TCF7L2: variants seen among roughly 807,000 people sequenced by gnomAD.
TCF7L2 encodes transcription factor 7-like 2.
Under a neutral mutation model 77.9 loss-of-function variants are expected in TCF7L2, and 23 were observed. That is an observed-to-expected ratio of 0.30 (90% CI 0.21 to 0.42). The LOEUF is 0.42. TCF7L2 is among the 10% of genes least tolerant of loss of function. The pLI is 1.00. For synonymous variants in TCF7L2, 413 were observed against 340.2 expected, an observed-to-expected ratio of 1.21 and a Z score of -2.36; for missense variants, 654 against 793.1, an observed-to-expected ratio of 0.82 and a Z score of 2.11.
intron 4 of TCF7L2, among the ~76,000 whole-genome samples, chr10:112,965,326 G>T (rs1490447774): frequency 6.6e-6 from 1 of 152,176 alleles, no homozygotes; most frequent in African/African-American, 2.4e-5. Flanking sequence ...ACTCGGAGCT[G>T]AACTGATGCC....
chr10:113,161,449 C>A, intron 13 of TCF7L2: 1 of 988,852 alleles, frequency 1.0e-6, no homozygotes, highest in Non-Finnish European at 1.5e-6. Context: ...CTCCATCCAG[C>A]CTGCATTCTC....
intron 5 of TCF7L2, among the ~76,000 whole-genome samples, chr10:113,128,521 G>C (rs1349700448): frequency 6.6e-6 from 1 of 152,128 alleles, no homozygotes; most frequent in Non-Finnish European, 1.5e-5. Context: ...CCTGCCGCCA[G>C]AAGAAACCAA....
At chr10:113,063,269 T>C (rs2056764947) in intron 5 of TCF7L2, among the ~76,000 whole-genome samples, 1 of 152,200 alleles carries the variant, frequency 6.6e-6, no homozygotes, top group Non-Finnish European at 1.5e-5. Flanking sequence ...TAGGGAGACA[T>C]ACTCTCTGAT....
chr10:113,003,712 G>A (rs1377600827), intron 4 of TCF7L2, among the ~76,000 whole-genome samples: 4 of 152,206 alleles, frequency 2.6e-5, no homozygotes, highest in African/African-American at 9.6e-5. Context: ...AAATGAAACA[G>A]GTGAGGAACT....
chr10:112,989,726 AAC>A (rs2042190789), intron 4 of TCF7L2, among the ~76,000 whole-genome samples: 1 of 152,186 alleles, frequency 6.6e-6, no homozygotes, highest in South Asian at 2.1e-4. Context: ...ACTGTTTTAA[AAC>A]ACAGCAGCGT....
chr10:113,062,893 G>C (rs1056453154), intron 5 of TCF7L2, among the ~76,000 whole-genome samples: 2 of 152,040 alleles, frequency 1.3e-5, no homozygotes, highest in South Asian at 4.2e-4. Flanking sequence ...TGATGGTTTT[G>C]TCCTAAACAT....
chr10:113,126,971 T>A, intron 5 of TCF7L2: 2 of 970,558 alleles, frequency 2.1e-6, no homozygotes, highest in Non-Finnish European at 2.5e-6. Context: ...CGTCCACGGC[T>A]GTCCAGTCCG....
chr10:113,012,651 G>T (rs1220850472), intron 4 of TCF7L2, among the ~76,000 whole-genome samples: 1 of 152,132 alleles, frequency 6.6e-6, no homozygotes, highest in Admixed American at 6.5e-5. Context: ...CTGCAGGAAG[G>T]CCTTTAACTT....
At chr10:113,090,860 G>A (rs1015736641) in intron 5 of TCF7L2, among the ~76,000 whole-genome samples, 4 of 151,964 alleles carry the variant, frequency 2.6e-5, no homozygotes, top group Non-Finnish European at 2.9e-5. Flanking sequence ...CGCCCGCCTC[G>A]GCCTCCCAAA....
intron 5 of TCF7L2, among the ~76,000 whole-genome samples, chr10:113,051,120 G>A (rs533341293): frequency 6.6e-6 from 1 of 151,876 alleles, no homozygotes; most frequent in African/African-American, 2.4e-5. Context: ...GGGCAGATAT[G>A]TGATATTTAT....
chr10:113,008,943 G>A (rs966186362), intron 4 of TCF7L2, among the ~76,000 whole-genome samples: 1 of 151,980 alleles, frequency 6.6e-6, no homozygotes, highest in Non-Finnish European at 1.5e-5. Context: ...TTTTTGTTTT[G>A]TTTTGTTTTT....
chr10:113,079,579 C>T (rs2059107148), intron 5 of TCF7L2, among the ~76,000 whole-genome samples: 1 of 152,188 alleles, frequency 6.6e-6, no homozygotes, highest in Non-Finnish European at 1.5e-5. Flanking sequence ...TTTAAGAGAT[C>T]CCTAAAAACT....
chr10:113,141,791 C>T (rs1354109297), intron 6 of TCF7L2, among the ~76,000 whole-genome samples: 2 of 152,164 alleles, frequency 1.3e-5, no homozygotes, highest in African/African-American at 4.8e-5. Flanking sequence ...TTGACAATGA[C>T]TTGTTGGTAT....
At chr10:113,106,340 G>A (rs1169175969) in intron 5 of TCF7L2, among the ~76,000 whole-genome samples, 1 of 152,232 alleles carries the variant, frequency 6.6e-6, no homozygotes, top group Non-Finnish European at 1.5e-5. Flanking sequence ...GCAATCGTGT[G>A]TAGCCAGACA....
At chr10:112,961,387 A>T (rs1267019050) in intron 3 of TCF7L2, among the ~76,000 whole-genome samples, 1 of 152,008 alleles carries the variant, frequency 6.6e-6, no homozygotes. Flanking sequence ...GTCTCACCTC[A>T]TATTCCAAAG....
chr10:113,142,455 G>A (rs1592238070), intron 6 of TCF7L2, among the ~76,000 whole-genome samples: 1 of 152,222 alleles, frequency 6.6e-6, no homozygotes, highest in African/African-American at 2.4e-5. Flanking sequence ...AGGTTAGTGT[G>A]TGTCTTTCAG....
chr10:112,954,816 T>G (rs567162997), intron 3 of TCF7L2, among the ~76,000 whole-genome samples: 37 of 152,364 alleles, frequency 2.4e-4, no homozygotes, highest in African/African-American at 7.7e-4. Flanking sequence ...GCATCTTCTC[T>G]TATCCAAAGT....
chr10:113,159,880 G>A (rs201279117), intron 12 of TCF7L2, 40 bp from the exon 14 acceptor site: 46 of 1,021,380 alleles, frequency 4.5e-5, no homozygotes, highest in Non-Finnish European at 5.0e-5. Flanking sequence ...TTTCTCCCAC[G>A]TTCTCCTCCT....
chr10:113,023,789 C>T (rs2048632594), intron 4 of TCF7L2, among the ~76,000 whole-genome samples: 1 of 152,096 alleles, frequency 6.6e-6, no homozygotes, highest in African/African-American at 2.4e-5. Context: ...CTGAATCAGC[C>T]TCCCAAGTAG....
Sources: gnomAD v4.1 joint callset for allele counts (sites outside exome capture counted in the v4.1 genomes callset) on GRCh38, gnomAD v4.1.1 for gene constraint, MANE v1.5 for transcripts, NCBI Gene and HGNC (gene_info 2026-07-23, HGNC 2026-07-21) for gene names.